KSR2: variants seen among roughly 807,000 people sequenced by gnomAD.
The protein encoded by KSR2 is kinase suppressor of ras 2.
In KSR2, 25 loss-of-function variants were observed where a neutral mutation model predicts 107.8. The observed-to-expected ratio is 0.23, with a 90% CI of 0.17 to 0.32. The LOEUF is 0.32. KSR2 is among the 10% of genes least tolerant of loss of function. KSR2 has a pLI of 1.00. For synonymous variants in KSR2, 480 were observed against 507.0 expected (o/e 0.95, Z 0.71); for missense variants, 887 against 1,268.9 (o/e 0.70, Z 4.57).
intron 1 of KSR2, among the ~76,000 whole-genome samples, chr12:117,953,056 G>A (rs1896411383): frequency 1.3e-5 from 2 of 150,984 alleles, no homozygotes; most frequent in Non-Finnish European, 2.9e-5. Flanking sequence ...CTCCAAAGAA[G>A]CTATACAGAT....
In KSR2 at chr12:117,794,055, T is replaced by C. The variant is rs1243829127; in HGVS notation, c.473-32531A>G. On this transcript the variant is annotated intron_variant, in intron 3 of 19. Transcript: ENST00000339824. The stretch of plus-strand genomic sequence containing the variant: ...ATGCACACACCAACATGCACACTCG[T>C]ACCAACATGCACACATACACCAACA... 3.2e-3 allele frequency among the ~76,000 whole-genome samples: 172 copies of C among 53,266 alleles called. 13 individuals are homozygous for C. The highest frequency in any genetic ancestry group is 0.014 in the African/African-American group (144 of 10,638). 34.9% of individuals were successfully genotyped at this position (53,266 alleles called of 152,430 possible). A position where few individuals can be genotyped will look rare whatever the true frequency, so the allele number is the denominator to read the frequency against.
At chr12:117,649,725 A>G (rs535154310) in intron 5 of KSR2, among the ~76,000 whole-genome samples, 1 of 152,128 alleles carries the variant, frequency 6.6e-6, no homozygotes, top group Non-Finnish European at 1.5e-5. Context: ...TGGTACCATG[A>G]TTAACTCTCC....
At chr12:117,506,311 G>A (rs1283369642) in intron 14 of KSR2, among the ~76,000 whole-genome samples, 4 of 152,212 alleles carry the variant, frequency 2.6e-5, no homozygotes, top group Admixed American at 2.6e-4. Context: ...GGAAGAATTA[G>A]ACTATGGATT....
intron 3 of KSR2, among the ~76,000 whole-genome samples, chr12:117,781,629 G>A (rs1889892952): frequency 1.3e-5 from 2 of 152,182 alleles, no homozygotes; most frequent in African/African-American, 4.8e-5. Context: ...ACTGGACGAT[G>A]AATTCCTGAT....
intron 1 of KSR2, among the ~76,000 whole-genome samples, chr12:117,915,498 A>G: frequency 6.6e-6 from 1 of 152,210 alleles, no homozygotes. Context: ...AGCTGGGATG[A>G]CAGTCCATTC....
intron 5 of KSR2, among the ~76,000 whole-genome samples, chr12:117,656,975 T>TATAA (rs1440236015): frequency 3.3e-5 from 3 of 89,988 alleles, no homozygotes; most frequent in South Asian, 4.1e-4. Context: ...TATATATATA[T>TATAA]AATAGGATAT....
Position 117,722,126 on chromosome 12 carries a change from G to A in KSR2, c.986+38885C>T, listed in dbSNP as rs917688580. On this transcript the variant is annotated intron_variant, in intron 4 of 19. Transcript: ENST00000339824. The stretch of plus-strand genomic sequence containing the variant: ...TGGGTTCAAGTGATCCTCCCGCCTC[G>A]TTCTCCTAAGTAGCTGGGACTACAG... 5.9e-5 allele frequency among the ~76,000 whole-genome samples: 9 copies of A among 152,032 alleles called. No homozygotes were observed. The East Asian group carries it at 7.7e-4, about 13-fold the overall frequency.
chr12:117,492,533 T>C (rs1872800884), intron 14 of KSR2, among the ~76,000 whole-genome samples: 1 of 152,162 alleles, frequency 6.6e-6, no homozygotes, highest in Middle Eastern at 3.2e-3. Flanking sequence ...CTGCATCTCA[T>C]GGGGGCACAG....
intron 9 of KSR2, among the ~76,000 whole-genome samples, chr12:117,550,143 C>A (rs1453459857): frequency 6.6e-6 from 1 of 152,222 alleles, no homozygotes; most frequent in Non-Finnish European, 1.5e-5. Flanking sequence ...AGTCCAACTA[C>A]TTCATTCTGT....
chr12:117,968,364 C>A lies in KSR2; in HGVS notation c.-109G>T. 1 of 1,396,210 alleles carries A rather than the reference C, an allele frequency of 7.2e-7. No individual in the cohort carries two copies. Among genetic ancestry groups the A allele is most frequent in the Non-Finnish European group, 9.2e-7 (1 of 1,082,562 alleles). 86.5% of individuals were successfully genotyped at this position (1,396,210 alleles called of 1,614,324 possible). A position where few individuals can be genotyped will look rare whatever the true frequency, so the allele number is the denominator to read the frequency against. The stretch of plus-strand genomic sequence containing the variant: ...CTCTCCAACCACTGCGACTTCTCAA[C>A]AATGTCTCATGAAGAAGAAATCCAA... On this transcript the variant is annotated 5_prime_UTR_variant, in exon 1 of 20. Transcript: ENST00000339824.
chr12:117,548,826 A>C (rs1432088427), intron 9 of KSR2, among the ~76,000 whole-genome samples: 1 of 152,170 alleles, frequency 6.6e-6, no homozygotes, highest in Non-Finnish European at 1.5e-5. Flanking sequence ...AGAGTCTCTG[A>C]GAAAGGGAAA....
At chr12:117,560,418 G>A (rs1045217082) in intron 7 of KSR2, among the ~76,000 whole-genome samples, 1 of 151,874 alleles carries the variant, frequency 6.6e-6, no homozygotes, top group African/African-American at 2.4e-5. Flanking sequence ...GAGTGCAGAA[G>A]GGGAGCAAGG....
intron 1 of KSR2, among the ~76,000 whole-genome samples, chr12:117,900,450 G>GGGT (rs1470097693): frequency 6.6e-6 from 1 of 152,180 alleles, no homozygotes; most frequent in Non-Finnish European, 1.5e-5. Flanking sequence ...TTAGATAGAT[G>GGGT]CCTCAAGGGA....
chr12:117,925,562 T>C lies in KSR2; in HGVS notation c.180+42514A>G, dbSNP rs530859418. Among the ~76,000 whole-genome samples, 15 of 152,378 alleles carry C rather than the reference T, an allele frequency of 9.8e-5. No homozygotes were observed. The East Asian group carries it at 2.5e-3, about 25-fold the overall frequency. On this transcript the variant is annotated intron_variant, in intron 1 of 19. Transcript: ENST00000339824. Reference sequence around the variant, plus strand: ...ACTGAGTTGTTCACTATTATTTTAATAGACAGTGGTATTTTACATAATAAT... The same window carrying C: ...ACTGAGTTGTTCACTATTATTTTAACAGACAGTGGTATTTTACATAATAAT...
At chr12:117,668,614 G>A (rs1884769920) in intron 4 of KSR2, among the ~76,000 whole-genome samples, 2 of 152,318 alleles carry the variant, frequency 1.3e-5, no homozygotes, top group Non-Finnish European at 1.5e-5. Context: ...CCACCCCCGG[G>A]TGAGTCCATT....
intron 1 of KSR2, among the ~76,000 whole-genome samples, chr12:117,966,652 GTCTC>G (rs759049435): frequency 8.5e-5 from 8 of 93,842 alleles, no homozygotes; most frequent in South Asian, 3.4e-4. Flanking sequence ...CACACATGCT[GTCTC>G]TCTCTTTCTC....
intron 7 of KSR2, among the ~76,000 whole-genome samples, chr12:117,565,395 T>C (rs957184686): frequency 2.0e-5 from 3 of 152,184 alleles, no homozygotes; most frequent in Non-Finnish European, 4.4e-5. Context: ...TAATATCCAA[T>C]TGAGGAAACA....
chr12:117,758,426 C>G (rs911694318), intron 4 of KSR2, among the ~76,000 whole-genome samples: 2 of 152,112 alleles, frequency 1.3e-5, no homozygotes, highest in African/African-American at 4.8e-5. Flanking sequence ...TAAGTGGTCC[C>G]ACGGCATTTT....
intron 2 of KSR2, among the ~76,000 whole-genome samples, chr12:117,856,138 G>C (rs984927914): frequency 2.0e-5 from 3 of 152,220 alleles, no homozygotes; most frequent in Non-Finnish European, 4.4e-5. Context: ...TGCTGGAAAT[G>C]AAACTAGGTT....
Sources: allele counts gnomAD v4.1 joint callset (sites outside exome capture counted in the v4.1 genomes callset), GRCh38; gene constraint gnomAD v4.1.1; transcripts MANE v1.5; gene names NCBI Gene and HGNC (gene_info 2026-07-23, HGNC 2026-07-21).